ADAP2: variants seen among roughly 807,000 people sequenced by gnomAD.
ADAP2 encodes arf-GAP with dual PH domain-containing protein 2.
A neutral mutation model predicts 54.9 loss-of-function variants in ADAP2; 42 were observed. The ratio of observed to expected loss-of-function variants is 0.77; its 90% CI spans 0.60 to 0.99. The LOEUF (loss-of-function observed/expected upper bound fraction) is 0.99. Among genes scored for constraint, ADAP2 ranks in the 50% least tolerant of loss-of-function variants. The pLI is 0.00. For synonymous variants in ADAP2, 177 were observed against 180.1 expected (o/e 0.98, Z 0.14); for missense variants, 429 against 480.4 (o/e 0.89, Z 1.00).
intron 7 of ADAP2, among the ~76,000 whole-genome samples, chr17:30,952,845 T>C (rs145189974): frequency 6.6e-6 from 1 of 152,248 alleles, no homozygotes; most frequent in Non-Finnish European, 1.5e-5. Flanking sequence ...GTGCTACCAG[T>C]GATGTGACTT....
intron 3 of ADAP2, among the ~76,000 whole-genome samples, chr17:30,930,752 A>G (rs1367999237): frequency 6.6e-6 from 1 of 152,170 alleles, no homozygotes; most frequent in East Asian, 1.9e-4. Flanking sequence ...GGTCATATAT[A>G]CCTTGGAACA....
chr17:30,957,798 T>C, intron 10 of ADAP2, 37 bp from the exon 11 acceptor site: 1 of 1,611,840 alleles, frequency 6.2e-7, no homozygotes. Flanking sequence ...AGCATTGGCA[T>C]GGCCACCTCC....
chr17:30,942,349 T>C (rs185176220), intron 5 of ADAP2, among the ~76,000 whole-genome samples: 1 of 152,290 alleles, frequency 6.6e-6, no homozygotes. Context: ...TTGGTGAGTA[T>C]ATGGGGAAAG....
chr17:30,933,130 A>C (rs1314068846), intron 4 of ADAP2, among the ~76,000 whole-genome samples: 1 of 152,170 alleles, frequency 6.6e-6, no homozygotes, highest in Non-Finnish European at 1.5e-5. Context: ...TCATTCTTAG[A>C]GGGCCAGAGG....
Position 30,956,250 on chromosome 17 carries a change from G to T in ADAP2, c.892G>T (p.Glu298Ter). 6.2e-7 allele frequency: 1 copy of T among 1,614,088 alleles called. No homozygotes were observed. Among genetic ancestry groups the T allele is most frequent in the South Asian group, 1.1e-5 (1 of 91,062 alleles). ...LYYKNPLDAF[E>*]QGQVFLGNKE... ...TACTCTCCATTTTCAGGATGCCTTC[G>T]AGCAGGGCCAGGTTTTTCTTGGGAA... The change falls in exon 10 of 11, where the codon GAG becomes TAG. Residue 298 changes from glutamate (E) to a stop codon, truncating the protein, a stop_gained. Coordinates refer to ENST00000330889, the MANE Select transcript of ADAP2 (RefSeq NM_018404.3). LOFTEE classifies it high-confidence loss of function.
chr17:30,934,410 G>A, intron 5 of ADAP2, 113 bp downstream of exon 5: 1 of 693,374 alleles, frequency 1.4e-6, no homozygotes, highest in Admixed American at 3.1e-5. Context: ...GCCCCTGAGA[G>A]TTAGGCACAA....
intron 7 of ADAP2, among the ~76,000 whole-genome samples, chr17:30,951,555 C>T (rs922231386): frequency 1.3e-5 from 2 of 151,810 alleles, no homozygotes; most frequent in Non-Finnish European, 2.9e-5. Context: ...AGGCTGGTCT[C>T]GAACTTCTGG....
intron 6 of ADAP2, among the ~76,000 whole-genome samples, chr17:30,946,641 G>C (rs1033935976): frequency 6.6e-6 from 1 of 152,200 alleles, no homozygotes; most frequent in African/African-American, 2.4e-5. Context: ...CAGAGATGCT[G>C]AGTGGGGGTG....
rs567889601 is a variant in ADAP2 at position 30,954,745 on chromosome 17, C to T, written c.882+190C>T. Among the ~76,000 whole-genome samples, 26 of 152,300 alleles carry T rather than the reference C, an allele frequency of 1.7e-4. No individual in the cohort carries two copies. The South Asian group carries it at 5.2e-3, about 30-fold the overall frequency. ...AATCTCCTATGGCATGAAGCTTCTC[C>T]TCGCTTTCAGGAAGTCTATTATGAG... On this transcript the variant is annotated intron_variant, in intron 9 of 10. Transcript: ENST00000330889.
At chr17:30,950,132 G>A (rs907013328) in intron 7 of ADAP2, among the ~76,000 whole-genome samples, 1 of 152,216 alleles carries the variant, frequency 6.6e-6, no homozygotes, top group Non-Finnish European at 1.5e-5. Flanking sequence ...AATAACCAAA[G>A]GTGTGCTTCC....
intron 5 of ADAP2, among the ~76,000 whole-genome samples, chr17:30,941,472 T>C (rs1283773490): frequency 6.6e-6 from 1 of 152,196 alleles, no homozygotes; most frequent in Non-Finnish European, 1.5e-5. Flanking sequence ...ACCATAAATG[T>C]TGATGTTTGT....
chr17:30,957,641 G>A (rs1905168891), intron 10 of ADAP2, among the ~76,000 whole-genome samples, 194 bp from the exon 11 acceptor site: 1 of 152,008 alleles, frequency 6.6e-6, no homozygotes, highest in Non-Finnish European at 1.5e-5. Context: ...ATGTTGCTCA[G>A]GCTGGTCTCG....
chr17:30,947,559 G>A (rs1912769815), intron 6 of ADAP2, among the ~76,000 whole-genome samples: 1 of 152,126 alleles, frequency 6.6e-6, no homozygotes, highest in Admixed American at 6.5e-5. Context: ...CACCATGTTG[G>A]TCAGGCTGGT....
intron 1 of ADAP2, 22 bp downstream of exon 1, chr17:30,922,130 C>G: frequency 8.1e-7 from 1 of 1,228,438 alleles, no homozygotes; most frequent in Non-Finnish European, 1.0e-6. Flanking sequence ...GCGGCGCGGG[C>G]AGCGCGAGAC....
chr17:30,925,499 T>C (rs1910973066), intron 2 of ADAP2, among the ~76,000 whole-genome samples: 1 of 151,852 alleles, frequency 6.6e-6, no homozygotes, highest in African/African-American at 2.4e-5. Context: ...TCCTCTGTTA[T>C]ATTTCCTTCT....
intron 3 of ADAP2, among the ~76,000 whole-genome samples, chr17:30,927,178 TG>T (rs1470807242): frequency 1.3e-4 from 20 of 152,292 alleles, no homozygotes; most frequent in African/African-American, 4.8e-4. Flanking sequence ...AGGATTTTTC[TG>T]TATGATCTCT....
chr17:30,923,055 C>T lies in ADAP2; in HGVS notation c.210C>T (p.Asp70=), dbSNP rs776681714. The T allele has an allele frequency of 1.2e-6, 2 of 1,613,794 alleles. No individual in the cohort carries two copies. The highest frequency in any genetic ancestry group is 1.1e-5 in the South Asian group (1 of 91,062). Reference sequence around the variant, plus strand: ...AATCTGTGCGACTTGACTTCTGGGACGACAGTATTGTGGAGGTAGAAAGGC... The same window carrying T: ...AATCTGTGCGACTTGACTTCTGGGATGACAGTATTGTGGAGGTAGAAAGGC... ...RVKSVRLDFW[D]DSIVEFMIHN... is the part of the protein sequence containing the mutation. The change falls in exon 2 of 11, where the codon GAC becomes GAT. Residue 70 remains aspartate (D), a synonymous_variant. Transcript: ENST00000330889.
chr17:30,922,874 C>A, intron 1 of ADAP2, 66 bp from the exon 2 acceptor site: 3 of 1,573,602 alleles, frequency 1.9e-6, no homozygotes, highest in African/African-American at 1.4e-5. Context: ...CCCAGTGCCC[C>A]GAGCCCAGCC....
intron 4 of ADAP2, among the ~76,000 whole-genome samples, chr17:30,933,208 G>A (rs1911621525): frequency 1.3e-5 from 2 of 152,180 alleles, no homozygotes; most frequent in South Asian, 4.1e-4. Flanking sequence ...TATTTATTGA[G>A]TCAGGGTCTC....
Sources: gnomAD v4.1 joint callset for allele counts (sites outside exome capture counted in the v4.1 genomes callset) on GRCh38, gnomAD v4.1.1 for gene constraint, MANE v1.5 for transcripts, NCBI Gene and HGNC (gene_info 2026-07-23, HGNC 2026-07-21) for gene names.